Variants in RTL4 observed in about 807,000 individuals in gnomAD.
RTL4 encodes retrotransposon Gag like 4.
In RTL4, 4 loss-of-function variants were observed where a neutral mutation model predicts 5.3. That is an observed-to-expected ratio of 0.75 (90% CI 0.37 to 1.72). The LOEUF is 1.72. RTL4 is among the 40% of genes most tolerant of loss of function. The pLI, the probability that RTL4 is intolerant of heterozygous loss-of-function variation, is 0.04. For synonymous variants in RTL4, 98 were observed against 87.3 expected (o/e 1.12, Z -0.68); for missense variants, 260 against 227.1 (o/e 1.14, Z -0.93).
At chrX:112,179,502 C>A in the RTL4 span, among the ~76,000 whole-genome samples, 2 of 111,861 alleles carry the variant, frequency 1.8e-5, no homozygotes, top group African/African-American at 6.5e-5. Flanking sequence ...TCAGGTAGGA[C>A]AAGCCTGAAG....
At chrX:112,218,993 G>A in the RTL4 span, among the ~76,000 whole-genome samples, 2 of 111,429 alleles carry the variant, frequency 1.8e-5, no homozygotes, top group Non-Finnish European at 3.8e-5. Context: ...TTGATTTTAA[G>A]AAGTAGCCAG....
the RTL4 span, among the ~76,000 whole-genome samples, chrX:112,251,544 A>C: frequency 8.9e-5 from 10 of 111,949 alleles, no homozygotes; most frequent in African/African-American, 2.9e-4. Flanking sequence ...AGAATAAATA[A>C]ATTAGGTCCA....
the RTL4 span, among the ~76,000 whole-genome samples, chrX:112,232,516 TTGAC>T: frequency 5.4e-5 from 6 of 112,148 alleles, no homozygotes; most frequent in African/African-American, 1.9e-4. Flanking sequence ...CTCTTAGTGA[TTGAC>T]TGACCCAAAC....
chrX:112,427,716 C>T, the RTL4 span, among the ~76,000 whole-genome samples: 1 of 110,750 alleles, frequency 9.0e-6, no homozygotes. Flanking sequence ...TTAAGAACTG[C>T]TTTTGCTGCA....
the RTL4 span, among the ~76,000 whole-genome samples, chrX:112,176,133 C>T: frequency 1.1e-4 from 12 of 111,237 alleles, no homozygotes; most frequent in South Asian, 7.6e-4. Context: ...TTCACAATTG[C>T]TTCAAAGAGA....
At chrX:112,233,834 G>A in the RTL4 span, among the ~76,000 whole-genome samples, 3 of 111,636 alleles carry the variant, frequency 2.7e-5, no homozygotes, top group Non-Finnish European at 5.6e-5. Context: ...CATACAACAA[G>A]TACCAATTCC....
chrX:112,169,719 T>C, the RTL4 span, among the ~76,000 whole-genome samples: 7 of 111,806 alleles, frequency 6.3e-5, no homozygotes, highest in South Asian at 1.1e-3. Flanking sequence ...CTCCTGGTTA[T>C]ATTTCTTTTG....
chrX:112,323,006 A>G, the RTL4 span, among the ~76,000 whole-genome samples: 1 of 112,231 alleles, frequency 8.9e-6, no homozygotes, highest in East Asian at 2.8e-4. Context: ...GAATACTGCA[A>G]TAAACATGCT....
the RTL4 span, among the ~76,000 whole-genome samples, chrX:112,405,971 T>C: frequency 1.8e-5 from 2 of 110,851 alleles, no homozygotes; most frequent in Non-Finnish European, 3.8e-5. Context: ...TCTCCTGTTA[T>C]CGCAGAATGA....
the RTL4 span, among the ~76,000 whole-genome samples, chrX:112,433,003 T>G: frequency 1.5e-4 from 17 of 110,573 alleles, no homozygotes; most frequent in African/African-American, 3.6e-4. Flanking sequence ...TTTCCCCATT[T>G]CTTGTTTTTC....
At chrX:112,327,874 T>A in the RTL4 span, among the ~76,000 whole-genome samples, 4 of 110,682 alleles carry the variant, frequency 3.6e-5, no homozygotes, top group Non-Finnish European at 5.7e-5. Context: ...AGAAAAGAAT[T>A]TTCAACCCAG....
At chrX:112,427,117 C>G in the RTL4 span, among the ~76,000 whole-genome samples, 4 of 111,045 alleles carry the variant, frequency 3.6e-5, no homozygotes, top group Non-Finnish European at 5.7e-5. Context: ...AATATTAAAA[C>G]CAGATAAAGT....
At chrX:112,228,997 G>A in the RTL4 span, among the ~76,000 whole-genome samples, 28 of 111,866 alleles carry the variant, frequency 2.5e-4, 1 homozygote, top group African/African-American at 5.2e-4. Flanking sequence ...TATATGAGGC[G>A]AGTGAAGCTT....
chrX:112,374,592 A>G, the RTL4 span, among the ~76,000 whole-genome samples: 1 of 112,346 alleles, frequency 8.9e-6, no homozygotes, highest in East Asian at 2.8e-4. Context: ...ACATTTTCAT[A>G]GTATCAAGCC....
At chrX:112,090,650 T>A in the RTL4 span, among the ~76,000 whole-genome samples, 2 of 111,528 alleles carry the variant, frequency 1.8e-5, no homozygotes, top group Non-Finnish European at 3.8e-5. Flanking sequence ...TTTGGTTTAC[T>A]AGTATTTTTT....
the RTL4 span, among the ~76,000 whole-genome samples, chrX:112,379,385 A>G: frequency 8.9e-6 from 1 of 112,364 alleles, no homozygotes; most frequent in African/African-American, 3.2e-5. Context: ...TGAGTCACCC[A>G]CTAATTAATT....
chrX:112,214,304 G>A, the RTL4 span, among the ~76,000 whole-genome samples: 1 of 111,833 alleles, frequency 8.9e-6, no homozygotes, highest in South Asian at 3.7e-4. Flanking sequence ...TTAGCACAAT[G>A]TTCTCCAGGT....
chrX:112,231,139 G>C, the RTL4 span, among the ~76,000 whole-genome samples: 1 of 111,243 alleles, frequency 9.0e-6, no homozygotes, highest in African/African-American at 3.3e-5. Context: ...CTGTAAACTA[G>C]TTCAACCATT....
chrX:112,426,597 T>C, the RTL4 span, among the ~76,000 whole-genome samples: 1 of 111,595 alleles, frequency 9.0e-6, no homozygotes, highest in African/African-American at 3.2e-5. Flanking sequence ...TACATGTTTT[T>C]AAAGATTTAT....
Sources: allele counts gnomAD v4.1 joint callset (sites outside exome capture counted in the v4.1 genomes callset), GRCh38; gene constraint gnomAD v4.1.1; transcripts MANE v1.5; gene names NCBI Gene and HGNC (gene_info 2026-07-23, HGNC 2026-07-21).